BANK1: variants seen among roughly 807,000 people sequenced by gnomAD.
BANK1 encodes the protein B-cell scaffold protein with ankyrin repeats.
In BANK1, 95 loss-of-function variants were observed where a neutral mutation model predicts 94.5. That is an observed-to-expected ratio of 1.00 (90% CI 0.85 to 1.19). BANK1 has a LOEUF of 1.19. BANK1 is among the 50% of genes most tolerant of loss of function. The probability of loss-of-function intolerance (pLI) is 0.00; values close to 1 mark genes in which losing one functional copy is unlikely to be tolerated. For synonymous variants in BANK1, 334 were observed against 308.4 expected, an observed-to-expected ratio of 1.08 and a Z score of -0.87; for missense variants, 987 against 932.2, an observed-to-expected ratio of 1.06 and a Z score of -0.77.
chr4:101,942,412 C>T (rs1463836231), intron 7 of BANK1, among the ~76,000 whole-genome samples: 1 of 151,740 alleles, frequency 6.6e-6, no homozygotes, highest in Non-Finnish European at 1.5e-5. Flanking sequence ...CTCTAGAGGC[C>T]CAAAGTCCTC....
At chr4:101,913,218 T>C (rs1027772350) in intron 6 of BANK1, among the ~76,000 whole-genome samples, 3 of 152,148 alleles carry the variant, frequency 2.0e-5, no homozygotes, top group Admixed American at 6.6e-5. Context: ...TTTTTTTTAA[T>C]GAATGTAGAG....
chr4:101,999,825 C>G (rs2850381), intron 7 of BANK1, among the ~76,000 whole-genome samples: 10,206 of 152,096 alleles, frequency 0.067, 585 homozygotes, highest in East Asian at 0.19. Context: ...GTCATCCAAA[C>G]AAAGAACAGG....
intron 1 of BANK1, among the ~76,000 whole-genome samples, chr4:101,812,817 T>A (rs1725770182): frequency 6.6e-6 from 1 of 152,106 alleles, no homozygotes; most frequent in African/African-American, 2.4e-5. Flanking sequence ...GAAAAGAGTT[T>A]GGTATTCAAT....
At chr4:101,945,661 A>G (rs1178303555) in intron 7 of BANK1, among the ~76,000 whole-genome samples, 1 of 151,986 alleles carries the variant, frequency 6.6e-6, no homozygotes, top group African/African-American at 2.4e-5. Context: ...AAATTCTGCA[A>G]GTACAGAACT....
At chr4:101,839,250 A>G (rs1248602369) in intron 2 of BANK1, among the ~76,000 whole-genome samples, 2 of 152,136 alleles carry the variant, frequency 1.3e-5, no homozygotes, top group African/African-American at 4.8e-5. Context: ...CCCATTTTAT[A>G]AGTTGCATAA....
intron 1 of BANK1, among the ~76,000 whole-genome samples, chr4:101,799,735 G>A (rs10440387): frequency 0.034 from 5,194 of 152,100 alleles, 296 homozygotes; most frequent in African/African-American, 0.12. Context: ...TTAGCCGGGC[G>A]TGCTGGTGGG....
At chr4:101,827,101 A>T (rs527468587) in intron 1 of BANK1, among the ~76,000 whole-genome samples, 1 of 151,956 alleles carries the variant, frequency 6.6e-6, no homozygotes, top group East Asian at 1.9e-4. Flanking sequence ...TTGTAAAATA[A>T]TATAAGTTTA....
intron 2 of BANK1, among the ~76,000 whole-genome samples, chr4:101,840,251 A>T (rs1726995429): frequency 6.6e-6 from 1 of 151,992 alleles, no homozygotes. Flanking sequence ...CACAGGCGTG[A>T]GCCACCGCGC....
intron 7 of BANK1, among the ~76,000 whole-genome samples, chr4:101,961,095 G>A (rs1316309644): frequency 1.3e-5 from 2 of 152,108 alleles, no homozygotes; most frequent in African/African-American, 4.8e-5. Flanking sequence ...CACTGATTTA[G>A]GATTACATGG....
intron 5 of BANK1, among the ~76,000 whole-genome samples, chr4:101,873,611 C>G (rs1281346742): frequency 6.6e-6 from 1 of 152,122 alleles, no homozygotes; most frequent in Non-Finnish European, 1.5e-5. Context: ...TTAATGATGT[C>G]TATTAGGTTT....
intron 5 of BANK1, among the ~76,000 whole-genome samples, chr4:101,881,200 T>C (rs1728662966): frequency 6.6e-6 from 1 of 151,974 alleles, no homozygotes; most frequent in African/African-American, 2.4e-5. Flanking sequence ...AACCAGGATA[T>C]ATAAGGAGCT....
intron 7 of BANK1, among the ~76,000 whole-genome samples, chr4:101,989,294 T>C (rs1304950729): frequency 6.6e-6 from 1 of 151,218 alleles, no homozygotes; most frequent in Admixed American, 6.6e-5. Flanking sequence ...AATACAAAAA[T>C]GTGGTGAGCA....
intron 1 of BANK1, among the ~76,000 whole-genome samples, chr4:101,791,154 C>T (rs529370611): frequency 3.9e-5 from 6 of 152,320 alleles, no homozygotes; most frequent in South Asian, 4.1e-4. Flanking sequence ...CTGGACGCCA[C>T]GAGGAGGGAG....
intron 7 of BANK1, among the ~76,000 whole-genome samples, chr4:102,016,033 G>A (rs917394447): frequency 4.6e-5 from 7 of 152,006 alleles, no homozygotes; most frequent in Non-Finnish European, 1.0e-4. Flanking sequence ...AACCATCCAC[G>A]AAGTATTCTT....
At position 102,022,752 on chromosome 4, in the gene BANK1, C is replaced by T. The variant is rs116343602; in HGVS notation, c.1285+1160C>T. 2.0e-3 allele frequency among the ~76,000 whole-genome samples: 299 copies of T among 152,234 alleles called. 1 individual carries two copies. The highest frequency in any genetic ancestry group is 7.1e-3 in the African/African-American group (293 of 41,546). On this transcript the variant is annotated intron_variant, in intron 8 of 16. Transcript: ENST00000322953. ...TGAAGGACTAAACACTCTTCTGCTC[C>T]AAATCCTCCAATATCTCCCCATTGT...
intron 7 of BANK1, among the ~76,000 whole-genome samples, chr4:101,950,364 G>T (rs1317829): frequency 0.026 from 3,950 of 152,122 alleles, 181 homozygotes; most frequent in African/African-American, 0.091. Flanking sequence ...GGTACTATTT[G>T]CATATAAAAG....
chr4:101,795,843 A>G (rs1725136551), intron 1 of BANK1, among the ~76,000 whole-genome samples: 1 of 152,214 alleles, frequency 6.6e-6, no homozygotes, highest in Non-Finnish European at 1.5e-5. Context: ...GAATGAGGAC[A>G]ATTATTCAGA....
intron 1 of BANK1, among the ~76,000 whole-genome samples, chr4:101,809,882 G>C (rs1203535477): frequency 1.3e-5 from 2 of 152,204 alleles, no homozygotes; most frequent in Non-Finnish European, 2.9e-5. Flanking sequence ...AAAAGTGTCT[G>C]TGTCCTAAGC....
chr4:102,009,471 C>A (rs1726412141), intron 7 of BANK1, among the ~76,000 whole-genome samples: 1 of 152,182 alleles, frequency 6.6e-6, no homozygotes, highest in Non-Finnish European at 1.5e-5. Context: ...TCAAATGCTG[C>A]CACCCTGAGG....
Sources: allele counts gnomAD v4.1 joint callset (sites outside exome capture counted in the v4.1 genomes callset), GRCh38; gene constraint gnomAD v4.1.1; transcripts MANE v1.5; gene names NCBI Gene and HGNC (gene_info 2026-07-23, HGNC 2026-07-21).